Variants in CSMD3 observed in about 807,000 individuals in gnomAD.
CSMD3 encodes CUB and sushi domain-containing protein 3.
Under a neutral mutation model 435.2 loss-of-function variants are expected in CSMD3, and 177 were observed. That is an observed-to-expected ratio of 0.41 (90% CI 0.36 to 0.46). The LOEUF (loss-of-function observed/expected upper bound fraction) is 0.46. CSMD3 is among the 20% of genes least tolerant of loss of function. CSMD3 has a pLI of 0.34. For missense variants in CSMD3, 4,265 were observed against 4,504.6 expected (o/e 0.95, Z 1.52); for synonymous variants, 1,656 against 1,520.5 (o/e 1.09, Z -2.07).
intron 1 of CSMD3, among the ~76,000 whole-genome samples, chr8:113,429,074 C>T (rs1184152817): frequency 6.6e-6 from 1 of 151,680 alleles, no homozygotes; most frequent in Non-Finnish European, 1.5e-5. Context: ...CATTTCAACT[C>T]CTCAAAGAGT....
At chr8:113,274,665 G>T (rs565228190) in intron 3 of CSMD3, among the ~76,000 whole-genome samples, 2 of 151,968 alleles carry the variant, frequency 1.3e-5, no homozygotes, top group Non-Finnish European at 2.9e-5. Context: ...ATTTCAATAC[G>T]CTAAATTGTC....
chr8:113,345,535 A>G (rs1056476756), intron 1 of CSMD3, among the ~76,000 whole-genome samples: 2 of 152,142 alleles, frequency 1.3e-5, no homozygotes, highest in African/African-American at 4.8e-5. Context: ...CATATGCTTA[A>G]GCAATGAGAA....
intron 27 of CSMD3, among the ~76,000 whole-genome samples, chr8:112,523,187 G>C (rs1359229237): frequency 6.6e-6 from 1 of 151,892 alleles, no homozygotes; most frequent in African/African-American, 2.4e-5. Context: ...AATGATATCA[G>C]AAGCAGGAGA....
At chr8:112,784,982 T>C (rs2078499726) in intron 13 of CSMD3, among the ~76,000 whole-genome samples, 1 of 152,032 alleles carries the variant, frequency 6.6e-6, no homozygotes. Flanking sequence ...TAGGCCAATA[T>C]GTTTGATGAA....
chr8:112,699,720 T>A (rs1302527120), intron 13 of CSMD3, among the ~76,000 whole-genome samples: 1 of 152,210 alleles, frequency 6.6e-6, no homozygotes, highest in African/African-American at 2.4e-5. Flanking sequence ...CGAGCATCAT[T>A]TTTGTGATAC....
At chr8:112,405,821 T>G (rs1338458479) in intron 35 of CSMD3, among the ~76,000 whole-genome samples, 3 of 152,108 alleles carry the variant, frequency 2.0e-5, no homozygotes, top group Admixed American at 1.3e-4. Context: ...TCTTAAAAGA[T>G]CTCTGAATTC....
intron 22 of CSMD3, among the ~76,000 whole-genome samples, chr8:112,632,257 ATAAC>A (rs2074535501): frequency 6.6e-6 from 1 of 152,082 alleles, no homozygotes; most frequent in African/African-American, 2.4e-5. Flanking sequence ...TAAGAAATAA[ATAAC>A]TATCATCATA....
At chr8:112,445,596 T>C (rs1815513089) in intron 32 of CSMD3, among the ~76,000 whole-genome samples, 1 of 152,130 alleles carries the variant, frequency 6.6e-6, no homozygotes, top group Non-Finnish European at 1.5e-5. Context: ...CACTAAGCCA[T>C]TTATAAGGGA....
At chr8:112,295,731 G>C (rs963673878) in intron 54 of CSMD3, 102 bp downstream of exon 54, 11 of 970,404 alleles carry the variant, frequency 1.1e-5, no homozygotes, top group Admixed American at 4.0e-5. Flanking sequence ...ACTTTATATT[G>C]ATATATATAA....
intron 63 of CSMD3, among the ~76,000 whole-genome samples, chr8:112,248,065 G>T (rs954847766): frequency 4.6e-5 from 7 of 152,002 alleles, no homozygotes; most frequent in Non-Finnish European, 1.0e-4. Context: ...AATCACCAGA[G>T]TAATGTACAT....
intron 1 of CSMD3, among the ~76,000 whole-genome samples, chr8:113,319,703 C>A (rs1262293060): frequency 6.6e-6 from 1 of 151,950 alleles, no homozygotes; most frequent in Non-Finnish European, 1.5e-5. Flanking sequence ...TTTTCTTTTG[C>A]ATTTCTCTGA....
intron 1 of CSMD3, among the ~76,000 whole-genome samples, chr8:113,427,534 G>A (rs1248713879): frequency 6.7e-6 from 1 of 149,608 alleles, no homozygotes; most frequent in African/African-American, 2.4e-5. Flanking sequence ...TACAAGAAAA[G>A]TACACTGGAC....
intron 53 of CSMD3, among the ~76,000 whole-genome samples, chr8:112,299,186 A>G (rs1820663473): frequency 6.6e-6 from 1 of 151,638 alleles, no homozygotes; most frequent in African/African-American, 2.4e-5. Flanking sequence ...TTACTGCCTC[A>G]GGTTATGGAG....
chr8:113,185,739 GTGTGCATGCGTGTGTGTGTGCA>G (rs2092490116), intron 3 of CSMD3, among the ~76,000 whole-genome samples: 1 of 152,128 alleles, frequency 6.6e-6, no homozygotes, highest in African/African-American at 2.4e-5. Flanking sequence ...GTGCATGCAT[GTGTGCATGCGTGTGTGTGTGCA>G]TGTGCACGCG....
intron 35 of CSMD3, among the ~76,000 whole-genome samples, chr8:112,401,067 G>T (rs1189446910): frequency 6.6e-6 from 1 of 152,058 alleles, no homozygotes; most frequent in East Asian, 1.9e-4. Context: ...AAATTAGCCA[G>T]GCATGGTAGT....
intron 1 of CSMD3, among the ~76,000 whole-genome samples, chr8:113,352,995 T>C (rs757785576): frequency 6.6e-6 from 1 of 152,116 alleles, no homozygotes; most frequent in Non-Finnish European, 1.5e-5. Context: ...GGAACACAAA[T>C]TGCAAGCTAA....
intron 13 of CSMD3, among the ~76,000 whole-genome samples, chr8:112,724,793 T>G (rs957906491): frequency 6.6e-6 from 1 of 151,912 alleles, no homozygotes; most frequent in African/African-American, 2.4e-5. Flanking sequence ...TAACATTAAG[T>G]GATCAGACAG....
chr8:112,346,898 CTT>C (rs1408063556), intron 40 of CSMD3, among the ~76,000 whole-genome samples: 1 of 151,846 alleles, frequency 6.6e-6, no homozygotes, highest in Non-Finnish European at 1.5e-5. Context: ...CCAGGATGGT[CTT>C]GATCTCCTGA....
At chr8:113,070,826 G>T (rs1018974590) in intron 5 of CSMD3, among the ~76,000 whole-genome samples, 1 of 151,974 alleles carries the variant, frequency 6.6e-6, no homozygotes, top group African/African-American at 2.4e-5. Flanking sequence ...ATTTCCTGTG[G>T]ATATACACTC....
Sources: gnomAD v4.1 joint callset for allele counts (sites outside exome capture counted in the v4.1 genomes callset) on GRCh38, gnomAD v4.1.1 for gene constraint, MANE v1.5 for transcripts, NCBI Gene and HGNC (gene_info 2026-07-23, HGNC 2026-07-21) for gene names.